The following GLI3 variants were observed in gnomAD, a reference collection of about 807,000 sequenced individuals.
GLI3 encodes the protein GLI family zinc finger 3, also known as transcription activator GLI3.
GLI3 carries 20 observed loss-of-function variants against 100.8 expected under a neutral mutation model. The observed-to-expected ratio is 0.20, with a 90% CI of 0.14 to 0.29. The LOEUF is 0.29. Among genes scored for constraint, GLI3 ranks in the 10% least tolerant of loss-of-function variants. The probability of loss-of-function intolerance (pLI) is 1.00; values close to 1 mark genes in which losing one functional copy is unlikely to be tolerated. For synonymous variants in GLI3, 938 were observed against 860.5 expected, an observed-to-expected ratio of 1.09 and a Z score of -1.58; for missense variants, 2,040 against 2,128.5, an observed-to-expected ratio of 0.96 and a Z score of 0.82.
At chr7:41,990,348 A>C (rs1787949964) in intron 10 of GLI3, among the ~76,000 whole-genome samples, 1 of 152,184 alleles carries the variant, frequency 6.6e-6, no homozygotes, top group African/African-American at 2.4e-5. Flanking sequence ...AGGTATTACT[A>C]GTAAAGGATC....
At position 42,207,199 on chromosome 7, in the gene GLI3, C is replaced by T. The variant is rs114022197; in HGVS notation, c.124+15931G>A. 5.0e-3 allele frequency among the ~76,000 whole-genome samples: 762 copies of T among 152,288 alleles called. 6 individuals carry two copies. The highest frequency in any genetic ancestry group is 0.018 in the African/African-American group (728 of 41,552). ...CAATAGAAATGTGTATTCAGATCCA[C>T]CAAAAGACAGCTACCTGGCAGCCAA... On this transcript the variant is annotated intron_variant, in intron 2 of 14. Coordinates refer to ENST00000395925, the MANE Select transcript of GLI3 (RefSeq NM_000168.6).
chr7:41,987,757 TG>T (rs1787871663), intron 10 of GLI3, among the ~76,000 whole-genome samples: 1 of 152,226 alleles, frequency 6.6e-6, no homozygotes, highest in African/African-American at 2.4e-5. Flanking sequence ...TTACTAAAGA[TG>T]CTTGAAAAAT....
chr7:42,052,521 C>T (rs1177696430), intron 4 of GLI3, among the ~76,000 whole-genome samples: 1 of 152,164 alleles, frequency 6.6e-6, no homozygotes, highest in Non-Finnish European at 1.5e-5. Flanking sequence ...CATCAGTTTC[C>T]TTATACACAA....
At chr7:42,130,434 A>G (rs1246545463) in intron 3 of GLI3, among the ~76,000 whole-genome samples, 1 of 152,250 alleles carries the variant, frequency 6.6e-6, no homozygotes, top group Non-Finnish European at 1.5e-5. Context: ...AGAAAGCATT[A>G]CATACAAAAG....
chr7:41,968,763 G>GGAAAGAAAGAAAGAAAGAAA (rs71006451), intron 13 of GLI3, among the ~76,000 whole-genome samples: 32 of 56,718 alleles, frequency 5.6e-4, no homozygotes, highest in African/African-American at 1.8e-3. Flanking sequence ...AAAGAAAGAA[G>GGAAAGAAAGAAAGAAAGAAA]GAAAGAAAGA....
intron 1 of GLI3, among the ~76,000 whole-genome samples, chr7:42,225,613 G>A (rs367806183): frequency 1.3e-3 from 202 of 152,250 alleles, no homozygotes; most frequent in South Asian, 7.9e-3. Flanking sequence ...CACCCGCCTC[G>A]GCCTCCCAAA....
At chr7:42,071,356 T>G (rs1376338570) in intron 4 of GLI3, among the ~76,000 whole-genome samples, 10 of 152,166 alleles carry the variant, frequency 6.6e-5, no homozygotes, top group Non-Finnish European at 1.0e-4. Context: ...GGGGAAACTT[T>G]CCTTTGTTAA....
chr7:41,966,957 TG>T lies in GLI3; in HGVS notation c.2432-317del, dbSNP rs1285640377. ...AACAATAACAACTCCCTCGATTCAC[TG>T]AAGCCCCTCCCCAAGCGCTGTGCAA... On this transcript the variant is annotated intron_variant, in intron 14 of 14. Coordinates refer to ENST00000395925, the MANE Select transcript of GLI3 (RefSeq NM_000168.6). The surrounding 1 kb of genome is among the most constrained non-coding windows in gnomAD (Gnocchi z 5.8). 6.6e-6 allele frequency among the ~76,000 whole-genome samples: 1 copy of T among 152,204 alleles called. No individual in the cohort carries two copies. The highest frequency in any genetic ancestry group is 1.5e-5 in the Non-Finnish European group (1 of 68,024).
intron 1 of GLI3, among the ~76,000 whole-genome samples, chr7:42,250,458 G>C (rs1789019567): frequency 6.6e-6 from 1 of 152,180 alleles, no homozygotes; most frequent in East Asian, 1.9e-4. Flanking sequence ...TCAGAATCCA[G>C]AGCCTTCCAC....
At chr7:42,066,411 A>C (rs1278298416) in intron 4 of GLI3, among the ~76,000 whole-genome samples, 1 of 152,160 alleles carries the variant, frequency 6.6e-6, no homozygotes, top group African/African-American at 2.4e-5. Flanking sequence ...CACCACCAAT[A>C]ATAACCTAAG....
intron 1 of GLI3, among the ~76,000 whole-genome samples, chr7:42,253,349 G>A (rs540669227): frequency 3.9e-5 from 6 of 152,176 alleles, no homozygotes; most frequent in Admixed American, 1.3e-4. Context: ...TGTGCTCAGC[G>A]CATCTGCAGC....
chr7:42,032,455 A>G (rs918316389), intron 7 of GLI3, among the ~76,000 whole-genome samples: 4 of 152,220 alleles, frequency 2.6e-5, no homozygotes, highest in African/African-American at 9.6e-5. Flanking sequence ...AAATGGAAAC[A>G]CAGAGTTCAT....
chr7:42,204,957 C>T lies in GLI3; in HGVS notation c.124+18173G>A, dbSNP rs116111610. 2.7e-3 allele frequency among the ~76,000 whole-genome samples: 405 copies of T among 152,188 alleles called. 4 individuals are homozygous for T. The highest frequency in any genetic ancestry group is 8.1e-3 in the African/African-American group (335 of 41,532). ...CTCCTCAGACAAAAGGCCAACCAAACGCTGCATGATTTAAAATTTGGAGAA... is the reference window on the plus strand; with the variant it reads ...CTCCTCAGACAAAAGGCCAACCAAATGCTGCATGATTTAAAATTTGGAGAA... On this transcript the variant is annotated intron_variant, in intron 2 of 14. Transcript: ENST00000395925.
At chr7:42,146,557 G>A (rs1786713984) in intron 3 of GLI3, among the ~76,000 whole-genome samples, 2 of 152,214 alleles carry the variant, frequency 1.3e-5, no homozygotes, top group South Asian at 4.1e-4. Flanking sequence ...TCACTAATTA[G>A]TGGGCATCTT....
intron 2 of GLI3, 128 bp downstream of exon 2, chr7:42,223,002 T>G: frequency 4.9e-6 from 5 of 1,017,266 alleles, no homozygotes; most frequent in Non-Finnish European, 6.1e-6. Context: ...CCGCCCCTGC[T>G]CCATTTGCTT....
intron 10 of GLI3, among the ~76,000 whole-genome samples, chr7:41,994,690 C>T (rs370146923): frequency 6.6e-6 from 1 of 152,316 alleles, no homozygotes; most frequent in African/African-American, 2.4e-5. Context: ...TACCTCCCCA[C>T]CAAAGTAAGA....
Position 42,047,093 on chromosome 7 carries a change from G to T in GLI3, c.679+1398C>A, listed in dbSNP as rs112032550. 6.4e-4 allele frequency among the ~76,000 whole-genome samples: 97 copies of T among 152,262 alleles called. 1 individual carries two copies. Among genetic ancestry groups the T allele is most frequent in the African/African-American group, 2.1e-3 (87 of 41,556 alleles). On this transcript the variant is annotated intron_variant, in intron 5 of 14. Transcript: ENST00000395925. ...ATGACTTGAACCCAGCAGGTCTGGG[G>T]TACAGTGAGCTGAGATTGCACCAAG...
chr7:42,134,403 G>A (rs1786376191), intron 3 of GLI3, among the ~76,000 whole-genome samples: 1 of 152,130 alleles, frequency 6.6e-6, no homozygotes, highest in African/African-American at 2.4e-5. Context: ...AAACCCATGA[G>A]AAGACACAGA....
At chr7:42,170,507 A>T (rs754619064) in intron 2 of GLI3, among the ~76,000 whole-genome samples, 1 of 141,352 alleles carries the variant, frequency 7.1e-6, no homozygotes, top group Non-Finnish European at 1.5e-5. Context: ...GGTTCAAGCC[A>T]TTCTCCTGCC....
Sources: allele counts gnomAD v4.1 joint callset (sites outside exome capture counted in the v4.1 genomes callset), GRCh38; gene constraint gnomAD v4.1.1; non-coding constraint Gnocchi (gnomAD v3.1); transcripts MANE v1.5; gene names NCBI Gene and HGNC (gene_info 2026-07-23, HGNC 2026-07-21).